The following GSTZ1 variants were observed in gnomAD, a reference collection of about 807,000 sequenced individuals.
The protein encoded by GSTZ1 is glutathione S-transferase zeta 1, also known as maleylacetoacetate isomerase.
GSTZ1 carries 34 observed loss-of-function variants against 35.9 expected under a neutral mutation model. That is an observed-to-expected ratio of 0.95 (90% CI 0.72 to 1.26). GSTZ1 has a LOEUF of 1.26. Ranked by LOEUF, GSTZ1 falls within the 50% of genes most tolerant of loss-of-function variation. The probability of loss-of-function intolerance (pLI) is 0.00; values close to 1 mark genes in which losing one functional copy is unlikely to be tolerated. For synonymous variants in GSTZ1, 93 were observed against 101.2 expected, an observed-to-expected ratio of 0.92 and a Z score of 0.49; for missense variants, 263 against 271.7, an observed-to-expected ratio of 0.97 and a Z score of 0.23.
chr14:77,321,243 C>T (rs1283713000), intron 1 of GSTZ1, 60 bp downstream of exon 1: 4 of 1,529,852 alleles, frequency 2.6e-6, no homozygotes, highest in East Asian at 2.5e-5. Flanking sequence ...CCCTGGGGGG[C>T]GGGGTCAGAA....
At chr14:77,330,532 GCTC>G (rs1892570042) in intron 8 of GSTZ1, among the ~76,000 whole-genome samples, 173 bp downstream of exon 8, 1 of 152,188 alleles carries the variant, frequency 6.6e-6, no homozygotes, top group Non-Finnish European at 1.5e-5. Flanking sequence ...TTGGGGCAGT[GCTC>G]CTACTACGCC....
intron 7 of GSTZ1, 64 bp from the exon 8 acceptor site, chr14:77,330,246 A>T (rs1594829209): frequency 8.8e-7 from 1 of 1,139,134 alleles, no homozygotes; most frequent in African/African-American, 1.5e-5. Context: ...CAGTGGACAC[A>T]CCCAGTCCAG....
chr14:77,329,764 A>G lies in GSTZ1; in HGVS notation c.431A>G (p.Gln144Arg), dbSNP rs1178052899. ...AITCGFNALE[Q>R]ILQSTAGIYC... ...TGTGGCCTCCCCACAGCCCTGGAGC[A>G]GATCCTACAGAGCACAGCGGGCATA... The change falls in exon 7 of 9, where the codon CAG (glutamine) becomes CGG (arginine). Residue 144 changes from glutamine to arginine, a missense_variant. Coordinates refer to ENST00000216465, the MANE Select transcript of GSTZ1 (RefSeq NM_145870.3). The G allele has an allele frequency of 6.2e-7, 1 of 1,613,630 alleles. No homozygotes were observed. The highest frequency in any genetic ancestry group is 8.5e-7 in the Non-Finnish European group (1 of 1,179,614).
At chr14:77,330,242 A>T (rs1017759536) in intron 7 of GSTZ1, 68 bp from the exon 8 acceptor site, 1 of 1,076,920 alleles carries the variant, frequency 9.3e-7, no homozygotes, top group Admixed American at 1.7e-5. Flanking sequence ...GTCGCAGTGG[A>T]CACACCCAGT....
intron 8 of GSTZ1, 112 bp from the exon 9 acceptor site, chr14:77,330,956 TG>T: frequency 3.0e-6 from 3 of 1,010,472 alleles, no homozygotes; most frequent in South Asian, 1.5e-5. Flanking sequence ...CGTCCTTCCC[TG>T]GACAGCTCCC....
chr14:77,330,063 A>G, intron 7 of GSTZ1: 1 of 666,530 alleles, frequency 1.5e-6, no homozygotes, highest in East Asian at 2.7e-5. Flanking sequence ...AAGGCAATCC[A>G]TCTTCTCTGG....
intron 5 of GSTZ1, 76 bp downstream of exon 5, chr14:77,328,113 G>T (rs779907322): frequency 3.4e-6 from 5 of 1,485,748 alleles, no homozygotes; most frequent in Non-Finnish European, 3.7e-6. Context: ...GAGCTGCCCA[G>T]TGTGGGGGCG....
chr14:77,327,890 C>T (rs778689334), intron 4 of GSTZ1, 22 bp from the exon 5 acceptor site: 1 of 1,613,442 alleles, frequency 6.2e-7, no homozygotes, highest in South Asian at 1.1e-5. Flanking sequence ...CTCTCCCTGC[C>T]TCACTGCTCC....
Position 77,321,162 on chromosome 14 carries a change from G to A in GSTZ1, c.-7G>A. On this transcript the variant is annotated 5_prime_UTR_variant, in exon 1 of 9. In the 5' UTR this introduces an upstream ATG that the reference lacks. Coordinates refer to ENST00000216465, the MANE Select transcript of GSTZ1 (RefSeq NM_145870.3). ...GGCCTGGAGGAGGGGGTCGCGCGAAGTGCCAGATGCAGGCGGGGAAGGTCT... is the reference window on the plus strand; with the variant it reads ...GGCCTGGAGGAGGGGGTCGCGCGAAATGCCAGATGCAGGCGGGGAAGGTCT... The A allele has an allele frequency of 6.8e-7, 1 of 1,459,986 alleles. No homozygotes were observed. Among genetic ancestry groups the A allele is most frequent in the South Asian group, 1.4e-5 (1 of 71,468 alleles). 90.4% of individuals were successfully genotyped at this position (1,459,986 alleles called of 1,614,324 possible). A position where few individuals can be genotyped will look rare whatever the true frequency, so the allele number is the denominator to read the frequency against.
chr14:77,331,135 G>A lies in GSTZ1; in HGVS notation c.591G>A (p.Glu197=). 6.2e-7 allele frequency: 1 copy of A among 1,614,122 alleles called. No homozygotes were observed. The highest frequency in any genetic ancestry group is 8.5e-7 in the Non-Finnish European group (1 of 1,179,978). The part of the protein sequence containing the change: ...SSINKRLLVL[E]AFQVSHPCRQ... ...TCAACAAGAGGCTGCTGGTCTTGGA[G>A]GCCTTCCAGGTGTCTCACCCCTGCC... Residue 197 remains glutamate (E), a synonymous_variant, in exon 9 of 9, where the codon GAG becomes GAA. Transcript: ENST00000216465.
At chr14:77,327,376 G>T in intron 3 of GSTZ1, 96 bp from the exon 4 acceptor site, 2 of 737,802 alleles carry the variant, frequency 2.7e-6, no homozygotes, top group Non-Finnish European at 4.9e-6. Context: ...AGGGAGATGG[G>T]GGTGGGTGGC....
At chr14:77,327,314 A>C (rs1892370122) in intron 3 of GSTZ1, 158 bp from the exon 4 acceptor site, 4 of 633,436 alleles carry the variant, frequency 6.3e-6, no homozygotes, top group Middle Eastern at 4.3e-4. Context: ...GGGAGACTGC[A>C]TGGATCCCCC....
Position 77,324,461 on chromosome 14 carries a change from G to A in GSTZ1, c.16-409G>A, listed in dbSNP as rs1423355724. ...GTGCCTGGCCAGAAATGCCCTTTCT[G>A]ACCAGAGTCAAAGTTCCCCCAATGC... On this transcript the variant is annotated intron_variant, in intron 1 of 8. Coordinates refer to ENST00000216465, the MANE Select transcript of GSTZ1 (RefSeq NM_145870.3). 4 of 736,776 alleles carry A rather than the reference G, an allele frequency of 5.4e-6. No homozygotes were observed. The Admixed American group carries it at 8.1e-5, about 15-fold the overall frequency. The allele number at this position is 736,776 out of a possible 1,614,324, so 45.6% of individuals were successfully genotyped here.
chr14:77,321,410 C>G (rs1459346417), intron 1 of GSTZ1: 2 of 1,529,330 alleles, frequency 1.3e-6, no homozygotes, highest in South Asian at 2.4e-5. Flanking sequence ...GAGTGCGTAG[C>G]AGGGTGGAGT....
Position 77,327,109 on chromosome 14 carries a change from C to A in GSTZ1, c.135+204C>A. ...GGCCTGGGAAGGGCCCAGGTCCAGACTGTGTACCCTAGCCTGGGCTCTCCA... is the reference window on the plus strand; with the variant it reads ...GGCCTGGGAAGGGCCCAGGTCCAGAATGTGTACCCTAGCCTGGGCTCTCCA... On this transcript the variant is annotated intron_variant, in intron 3 of 8. Transcript: ENST00000216465. 3.2e-5 allele frequency: 19 copies of A among 601,674 alleles called. No individual in the cohort carries two copies. The South Asian group carries it at 3.7e-4, about 12-fold the overall frequency. The allele number at this position is 601,674 out of a possible 1,614,324, so 37.3% of individuals were successfully genotyped here.
intron 8 of GSTZ1, 87 bp from the exon 9 acceptor site, chr14:77,330,982 C>T: frequency 7.4e-7 from 1 of 1,354,668 alleles, no homozygotes; most frequent in Middle Eastern, 1.9e-4. Flanking sequence ...CCTCATCCAG[C>T]CCTGCCTCTC....
intron 5 of GSTZ1, 178 bp downstream of exon 5, chr14:77,328,215 C>A: frequency 1.5e-6 from 1 of 658,590 alleles, no homozygotes; most frequent in Admixed American, 2.8e-5. Context: ...GAATTCAGCC[C>A]CCCAGCGGGT....
rs1264747146 is a variant in GSTZ1 at position 77,331,555 on chromosome 14, G to A, written c.*360G>A. On this transcript the variant is annotated 3_prime_UTR_variant, in exon 9 of 9. Transcript: ENST00000216465. ...TTGTGTGTGACTCCAAAGAATGCCC[G>A]CGCTGAAATTTGGCGTGAATTAAAC... 7 of 194,336 alleles carry A rather than the reference G, an allele frequency of 3.6e-5. No homozygotes were observed. The highest frequency in any genetic ancestry group is 2.8e-4 in the South Asian group (2 of 7,244). The allele number at this position is 194,336 out of a possible 1,614,324, so 12.0% of individuals were successfully genotyped here. A position where few individuals can be genotyped will look rare whatever the true frequency, so the allele number is the denominator to read the frequency against.
At chr14:77,325,292 C>T in intron 2 of GSTZ1, 1 of 270,876 alleles carries the variant, frequency 3.7e-6, no homozygotes, top group African/African-American at 2.2e-5. Flanking sequence ...GCAAAGCAAA[C>T]AGAACGGGCC....
Sources: gnomAD v4.1 joint callset for allele counts (sites outside exome capture counted in the v4.1 genomes callset) on GRCh38, gnomAD v4.1.1 for gene constraint, MANE v1.5 for transcripts, NCBI Gene and HGNC (gene_info 2026-07-23, HGNC 2026-07-21) for gene names.